Variants in EXD3 observed in about 807,000 individuals in gnomAD.
The protein encoded by EXD3 is exonuclease 3'-5' domain containing 3, also known as exonuclease mut-7 homolog.
Under a neutral mutation model 98.0 loss-of-function variants are expected in EXD3, and 92 were observed. The observed-to-expected ratio is 0.94, with a 90% confidence interval of 0.79 to 1.12. The LOEUF is 1.12. Among genes scored for constraint, EXD3 ranks in the 50% most tolerant of loss-of-function variants. The pLI, the probability that EXD3 is intolerant of heterozygous loss-of-function variation, is 0.00. For missense variants in EXD3, 1,222 were observed against 1,191.6 expected, an observed-to-expected ratio of 1.03 and a Z score of -0.38; for synonymous variants, 569 against 526.0, an observed-to-expected ratio of 1.08 and a Z score of -1.12.
intron 7 of EXD3, chr9:137,366,125 G>A (rs1835239826): frequency 2.9e-6 from 2 of 697,658 alleles, no homozygotes; most frequent in Non-Finnish European, 5.2e-6. Flanking sequence ...TGTAATTGCT[G>A]ACAGACGTCA....
Position 137,382,078 on chromosome 9 carries a change from GGT to G in EXD3, c.120+1233_120+1234del, listed in dbSNP as rs1472904999. ...GCGCGCGGAGGAGGTGAGGGCGCGCGGTGGAGGTCAGGGCGGCGGTGGAGGTC... is the reference window on the plus strand; with the variant it reads ...GCGCGCGGAGGAGGTGAGGGCGCGCGGGAGGTCAGGGCGGCGGTGGAGGTC... On this transcript the variant is annotated intron_variant, in intron 3 of 21. Coordinates refer to ENST00000340951, the MANE Select transcript of EXD3 (RefSeq NM_017820.5). 5.4e-4 allele frequency among the ~76,000 whole-genome samples: 64 copies of G among 118,346 alleles called. 2 individuals carry two copies. Among genetic ancestry groups the G allele is most frequent in the African/African-American group, 9.4e-4 (26 of 27,690 alleles). The allele number at this position is 118,346 out of a possible 152,430, so 77.6% of individuals were successfully genotyped here.
chr9:137,377,582 G>GTTC lies in EXD3; in HGVS notation c.121-3984_121-3983insGAA, dbSNP rs1564526713. ...TGAGGTCAGAAGTTTAAGACCAGAC[G>GTTC]TGCTGATGCGCACCTTTAATCTCAG... On this transcript the variant is annotated intron_variant, in intron 3 of 21. Transcript: ENST00000340951. Among the ~76,000 whole-genome samples the GTTC allele has an allele frequency of 2.7e-5, 4 of 150,700 alleles. No individual in the cohort carries two copies. In the East Asian group the frequency reaches 8.0e-4, roughly 30 times the overall value.
intron 14 of EXD3, 86 bp downstream of exon 14, chr9:137,350,951 GC>G: frequency 9.3e-7 from 1 of 1,074,484 alleles, no homozygotes; most frequent in Non-Finnish European, 1.4e-6. Context: ...GAAGCCCAGG[GC>G]CGCTGGGAAG....
Position 137,324,847 on chromosome 9 carries a change from C to T in EXD3, c.1999-704G>A, listed in dbSNP as rs1022415968. On this transcript the variant is annotated intron_variant, in intron 17 of 21. Coordinates refer to ENST00000340951, the MANE Select transcript of EXD3 (RefSeq NM_017820.5). The surrounding 1 kb of genome is among the most constrained non-coding windows in gnomAD (Gnocchi z 4.1). ...AGCTAGGACTACAGGCGCCAGCCAC[C>T]GTGCCTGGCTAATTTTTTGTATTTT... is the stretch of plus-strand genomic sequence containing the variant. 5.9e-5 allele frequency among the ~76,000 whole-genome samples: 9 copies of T among 152,140 alleles called. No individual in the cohort carries two copies. Among genetic ancestry groups the T allele is most frequent in the Non-Finnish European group, 1.0e-4 (7 of 68,040 alleles).
chr9:137,411,151 G>A (rs781162863), intron 1 of EXD3, among the ~76,000 whole-genome samples: 14 of 152,182 alleles, frequency 9.2e-5, no homozygotes, highest in African/African-American at 1.2e-4. Flanking sequence ...CCGGCCCCCC[G>A]GGTGGGGAGT....
intron 3 of EXD3, among the ~76,000 whole-genome samples, chr9:137,377,761 AC>A (rs1835990268): frequency 6.6e-6 from 1 of 151,048 alleles, no homozygotes; most frequent in Non-Finnish European, 1.5e-5. Flanking sequence ...ACCTAAGAGA[AC>A]TTTGAAAACA....
rs570509120 is a variant in EXD3 at position 137,403,886 on chromosome 9, C to T, written c.-47-8482G>A. On this transcript the variant is annotated intron_variant, in intron 1 of 21. Transcript: ENST00000340951. This position sits in a 1 kb window ranked among gnomAD's most constrained non-coding sequence, Gnocchi z 6.1. ...TGTGGGATAGGGATGGGTCCCGAGG[C>T]GGGGCAGTCACACCCCCACGCCATC... 4.6e-5 allele frequency among the ~76,000 whole-genome samples: 7 copies of T among 152,316 alleles called. No homozygotes were observed. The East Asian group carries it at 7.7e-4, about 17-fold the overall frequency.
At chr9:137,368,047 C>T (rs907895968) in intron 5 of EXD3, 58 bp from the exon 6 acceptor site, 41 of 1,439,822 alleles carry the variant, frequency 2.8e-5, no homozygotes, top group African/African-American at 4.2e-5. Context: ...GGCAGCACGG[C>T]GGGTGAGGGG....
At position 137,393,256 on chromosome 9, in the gene EXD3, C is replaced by A. The variant is rs760859714; in HGVS notation, c.55+2047G>T. On this transcript the variant is annotated intron_variant, in intron 2 of 21. Coordinates refer to ENST00000340951, the MANE Select transcript of EXD3 (RefSeq NM_017820.5). The surrounding 1 kb of genome is among the most constrained non-coding windows in gnomAD (Gnocchi z 4.6). ...GGTGCCTGTGCAGGGAGAGTCAGCT[C>A]TGTGCTGAGGCGAACCCAGGGTCCC... is the stretch of plus-strand genomic sequence containing the variant. 2 of 702,272 alleles carry A rather than the reference C, an allele frequency of 2.8e-6. No individual in the cohort carries two copies. The highest frequency in any genetic ancestry group is 1.7e-5 in the African/African-American group (1 of 57,220). 43.5% of individuals were successfully genotyped at this position (702,272 alleles called of 1,614,324 possible).
rs536260028 is a variant in EXD3, at chr9:137,334,159, A to G, written c.1999-10016T>C. Among the ~76,000 whole-genome samples the G allele has an allele frequency of 1.1e-4, 16 of 151,834 alleles. No individual in the cohort carries two copies. The South Asian group carries it at 2.7e-3, about 26-fold the overall frequency. On this transcript the variant is annotated intron_variant, in intron 17 of 21. Transcript: ENST00000340951. ...TGGGACTACAGGCACCCGCCACCACACCCGGCTAATTTTTTGTATTTTAGT... is the reference window on the plus strand; with the variant it reads ...TGGGACTACAGGCACCCGCCACCACGCCCGGCTAATTTTTTGTATTTTAGT...
At position 137,338,290 on chromosome 9, in the gene EXD3, G is replaced by A. The variant is rs1833467051; in HGVS notation, c.1998+9781C>T. Among the ~76,000 whole-genome samples, 3 of 152,258 alleles carry A rather than the reference G, an allele frequency of 2.0e-5. No individual in the cohort carries two copies. The South Asian group carries it at 6.2e-4, about 32-fold the overall frequency. ...AAAATTGAAAAACCTTCTAAAGAAC[G>A]AAGTCAAATAAGCAATCATAATTGA... On this transcript the variant is annotated intron_variant, in intron 17 of 21. Coordinates refer to ENST00000340951, the MANE Select transcript of EXD3 (RefSeq NM_017820.5).
intron 17 of EXD3, among the ~76,000 whole-genome samples, chr9:137,336,469 T>C (rs1391425368): frequency 6.6e-6 from 1 of 152,148 alleles, no homozygotes; most frequent in African/African-American, 2.4e-5. Flanking sequence ...GACACCAGCC[T>C]GGCCAACATG....
chr9:137,398,826 TGACACACGTGCACCCGCATCCCCAA>T, intron 1 of EXD3, among the ~76,000 whole-genome samples: 1 of 71,644 alleles, frequency 1.4e-5, no homozygotes, highest in Non-Finnish European at 2.6e-5. Context: ...CGCGTCCCCG[TGACACACGTGCACCCGCATCCCCAA>T]GACACACAGG....
intron 14 of EXD3, among the ~76,000 whole-genome samples, chr9:137,350,765 C>T (rs2119222277): frequency 6.6e-6 from 1 of 152,070 alleles, no homozygotes; most frequent in Non-Finnish European, 1.5e-5. Flanking sequence ...CCAAGTGGAA[C>T]CCAGGGCTCA....
intron 2 of EXD3, among the ~76,000 whole-genome samples, chr9:137,390,603 G>C (rs1836854308): frequency 6.6e-6 from 1 of 152,232 alleles, no homozygotes; most frequent in Admixed American, 6.5e-5. Flanking sequence ...AGGTTAGGCA[G>C]CGTGGCCCGG....
At chr9:137,408,526 G>A (rs1227205445) in intron 1 of EXD3, among the ~76,000 whole-genome samples, 4 of 100,240 alleles carry the variant, frequency 4.0e-5, no homozygotes, top group East Asian at 2.5e-4. Context: ...CAGCCTGGGC[G>A]ATAGAGTGAG....
intron 17 of EXD3, among the ~76,000 whole-genome samples, chr9:137,329,617 C>G (rs1832836561): frequency 3.0e-5 from 1 of 33,836 alleles, no homozygotes; most frequent in Non-Finnish European, 5.1e-5. Context: ...TCACACGGGA[C>G]TACACGGGAC....
intron 19 of EXD3, among the ~76,000 whole-genome samples, chr9:137,312,870 C>T (rs986590637): frequency 6.6e-6 from 1 of 152,178 alleles, no homozygotes; most frequent in Non-Finnish European, 1.5e-5. Context: ...GAATGTGCCT[C>T]CAGCAGTGTC....
chr9:137,398,905 A>G (rs1367569739), intron 1 of EXD3, among the ~76,000 whole-genome samples: 3 of 151,184 alleles, frequency 2.0e-5, no homozygotes, highest in Non-Finnish European at 4.4e-5. Context: ...TCCCCAAGAC[A>G]CACAGGCAAC....
Sources: gnomAD v4.1 joint callset for allele counts (sites outside exome capture counted in the v4.1 genomes callset) on GRCh38, gnomAD v4.1.1 for gene constraint, Gnocchi (gnomAD v3.1) non-coding constraint, MANE v1.5 for transcripts, NCBI Gene and HGNC (gene_info 2026-07-23, HGNC 2026-07-21) for gene names.